The following P2RX5 variants were observed in gnomAD, a reference collection of about 807,000 sequenced individuals.
P2RX5 encodes the protein purinergic receptor P2X 5.
Under a neutral mutation model 54.1 loss-of-function variants are expected in P2RX5, and 46 were observed. That is an observed-to-expected ratio of 0.85 (90% confidence interval 0.67 to 1.09). The LOEUF (loss-of-function observed/expected upper bound fraction) is 1.09. P2RX5 is among the 50% of genes least tolerant of loss of function. P2RX5 has a pLI of 0.00. For missense variants in P2RX5, 566 were observed against 549.8 expected, an observed-to-expected ratio of 1.03 and a Z score of -0.29; for synonymous variants, 226 against 226.4, an observed-to-expected ratio of 1.00 and a Z score of 0.02.
chr17:3,697,349 G>C (rs1252583279), upstream of P2RX5, among the ~76,000 whole-genome samples: 2 of 152,094 alleles, frequency 1.3e-5, no homozygotes, highest in Non-Finnish European at 2.9e-5. Context: ...AGGGCCTCCG[G>C]GGGGGCAGGT....
chr17:3,674,618 G>A (rs750699729), intron 11 of P2RX5, among the ~76,000 whole-genome samples: 1 of 152,208 alleles, frequency 6.6e-6, no homozygotes, highest in South Asian at 2.1e-4. Context: ...GCTAAAGACC[G>A]TCAACTTCAT....
the P2RX5 span, chr17:3,720,320 T>A: frequency 6.4e-7 from 1 of 1,558,716 alleles, no homozygotes; most frequent in Non-Finnish European, 8.9e-7. Flanking sequence ...AGTTCTGTGG[T>A]TCTCTGCATT....
At chr17:3,702,086 A>G in the P2RX5 span, among the ~76,000 whole-genome samples, 58,982 of 151,666 alleles carry the variant, frequency 0.39, 13,611 homozygotes, top group South Asian at 0.61. Context: ...GGGTCGAGTG[A>G]AGACTTGGAG....
chr17:3,710,576 C>G, the P2RX5 span, among the ~76,000 whole-genome samples: 1 of 151,550 alleles, frequency 6.6e-6, no homozygotes, highest in African/African-American at 2.4e-5. Flanking sequence ...AACCAAAAAC[C>G]CCTCCTTGTA....
chr17:3,684,614 T>C (rs1042778892), intron 9 of P2RX5, among the ~76,000 whole-genome samples: 2 of 146,326 alleles, frequency 1.4e-5, no homozygotes, highest in African/African-American at 5.0e-5. Flanking sequence ...GAAATCAACA[T>C]CCTCAGGGTC....
the P2RX5 span, among the ~76,000 whole-genome samples, chr17:3,701,752 T>TTG: frequency 8.4e-6 from 1 of 119,006 alleles, no homozygotes; most frequent in Non-Finnish European, 2.0e-5. Context: ...CTCTGTTTTT[T>TTG]TTTTTTTTGT....
At chr17:3,677,244 T>C in intron 11 of P2RX5, 2 of 985,286 alleles carry the variant, frequency 2.0e-6, no homozygotes, top group Non-Finnish European at 1.2e-6. Flanking sequence ...TCATTAGCAC[T>C]TCAGGCCCAG....
the P2RX5 span, among the ~76,000 whole-genome samples, chr17:3,722,728 T>C: frequency 1.3e-5 from 2 of 152,200 alleles, no homozygotes; most frequent in African/African-American, 2.4e-5. Flanking sequence ...CCAGATCAAG[T>C]ACTGCCTTGC....
At chr17:3,707,840 C>T in the P2RX5 span, among the ~76,000 whole-genome samples, 1 of 151,982 alleles carries the variant, frequency 6.6e-6, no homozygotes, top group Non-Finnish European at 1.5e-5. Context: ...AGGTGGATCA[C>T]GAGGTCAGGA....
the P2RX5 span, among the ~76,000 whole-genome samples, chr17:3,702,461 A>G: frequency 3.9e-5 from 6 of 152,312 alleles, no homozygotes; most frequent in East Asian, 1.2e-3. Context: ...CCAAGCCAGC[A>G]GTGGCAACCT....
At chr17:3,719,278 A>G in the P2RX5 span, among the ~76,000 whole-genome samples, 1 of 150,170 alleles carries the variant, frequency 6.7e-6, no homozygotes, top group Admixed American at 6.6e-5. Flanking sequence ...AAAAAGAAAT[A>G]CACTACTTAA....
the P2RX5 span, among the ~76,000 whole-genome samples, chr17:3,701,758 TTTG>T: frequency 1.7e-5 from 2 of 120,232 alleles, no homozygotes; most frequent in South Asian, 7.2e-4. Flanking sequence ...TTTTTTTTTT[TTTG>T]TTTTTTTTTT....
intron 8 of P2RX5, 106 bp from the exon 9 acceptor site, chr17:3,688,211 G>T: frequency 2.8e-6 from 2 of 717,958 alleles, no homozygotes; most frequent in South Asian, 1.5e-5. Flanking sequence ...CCGGAACCCT[G>T]ACTCTCAGCA....
the P2RX5 span, among the ~76,000 whole-genome samples, chr17:3,713,323 G>GC: frequency 2.0e-5 from 3 of 152,120 alleles, no homozygotes; most frequent in African/African-American, 4.8e-5. Flanking sequence ...CTGCATCACT[G>GC]CCCTCCAGCC....
chr17:3,713,274 G>C, the P2RX5 span, among the ~76,000 whole-genome samples: 1 of 151,380 alleles, frequency 6.6e-6, no homozygotes, highest in Admixed American at 6.6e-5. Flanking sequence ...GGCAGAGGAC[G>C]GCTTGAACCC....
rs879180057 is a variant in P2RX5 at position 3,695,879 on chromosome 17, A to G, written c.127T>C (p.Tyr43His). ...YRLLQASILA[Y>H]LVVWVFLIKK... ...CCGCGGAGAACTTACACGACCAGGTACGCCAGGATGGAGGCCTGCAGCAGC... is the reference window on the plus strand; with the variant it reads ...CCGCGGAGAACTTACACGACCAGGTGCGCCAGGATGGAGGCCTGCAGCAGC... The change falls in exon 1 of 12, where the codon TAC (tyrosine) becomes CAC (histidine). Residue 43 changes from tyrosine (Y) to histidine (H), a missense_variant. Coordinates refer to ENST00000225328, the MANE Select transcript of P2RX5 (RefSeq NM_002561.4). 3 of 1,613,060 alleles carry G rather than the reference A, an allele frequency of 1.9e-6. No individual in the cohort carries two copies. The highest frequency in any genetic ancestry group is 2.5e-6 in the Non-Finnish European group (3 of 1,179,454).
At chr17:3,701,992 T>G in the P2RX5 span, among the ~76,000 whole-genome samples, 2 of 152,100 alleles carry the variant, frequency 1.3e-5, no homozygotes, top group Non-Finnish European at 2.9e-5. Flanking sequence ...TTGGTTAGGC[T>G]GGTCTCGAAC....
the P2RX5 span, among the ~76,000 whole-genome samples, chr17:3,701,714 A>AAAAT: frequency 1.5e-5 from 2 of 137,480 alleles, no homozygotes; most frequent in Non-Finnish European, 3.2e-5. Context: ...AAAAAAAAAA[A>AAAAT]AAAAAGGAAC....
the P2RX5 span, among the ~76,000 whole-genome samples, chr17:3,708,992 C>T: frequency 6.6e-6 from 1 of 152,078 alleles, no homozygotes; most frequent in Non-Finnish European, 1.5e-5. Context: ...TGCTCTGTCA[C>T]CCAGGCTGTA....
Sources: gnomAD v4.1 joint callset for allele counts (sites outside exome capture counted in the v4.1 genomes callset) on GRCh38, gnomAD v4.1.1 for gene constraint, MANE v1.5 for transcripts, NCBI Gene and HGNC (gene_info 2026-07-23, HGNC 2026-07-21) for gene names.